Variants in UBE2R2 observed in about 807,000 individuals in gnomAD.
UBE2R2 encodes the protein ubiquitin-conjugating enzyme E2 R2.
A neutral mutation model predicts 27.8 loss-of-function variants in UBE2R2; 1 was observed. That is an observed-to-expected ratio of 0.04 (90% CI 0.01 to 0.17). The LOEUF (loss-of-function observed/expected upper bound fraction) is 0.17, where lower values mean the gene tolerates loss of function less well. Ranked by LOEUF, UBE2R2 falls within the 10% of genes least tolerant of loss-of-function variation. The pLI, the probability that UBE2R2 is intolerant of heterozygous loss-of-function variation, is 1.00. For missense variants in UBE2R2, 100 were observed against 291.0 expected, an observed-to-expected ratio of 0.34 and a Z score of 4.78; for synonymous variants, 106 against 113.3, an observed-to-expected ratio of 0.94 and a Z score of 0.41.
chr9:33,839,778 T>C (rs1345937828), intron 1 of UBE2R2, among the ~76,000 whole-genome samples: 2 of 152,126 alleles, frequency 1.3e-5, no homozygotes, highest in Non-Finnish European at 2.9e-5. Context: ...GGAAGATTGC[T>C]TGAGATCAGG....
intron 1 of UBE2R2, among the ~76,000 whole-genome samples, chr9:33,840,698 G>A (rs1820714511): frequency 6.6e-6 from 1 of 151,712 alleles, no homozygotes; most frequent in African/African-American, 2.4e-5. Flanking sequence ...ATTTATCAAT[G>A]GTTTAAAAAT....
At chr9:33,838,428 G>T (rs1342404668) in intron 1 of UBE2R2, among the ~76,000 whole-genome samples, 1 of 151,434 alleles carries the variant, frequency 6.6e-6, no homozygotes, top group Non-Finnish European at 1.5e-5. Context: ...TGCATGGACT[G>T]TTTTCTTCAC....
chr9:33,824,899 T>C (rs576955074), intron 1 of UBE2R2, among the ~76,000 whole-genome samples: 2 of 152,252 alleles, frequency 1.3e-5, no homozygotes, highest in African/African-American at 4.8e-5. Flanking sequence ...GACCATTTCA[T>C]TGAAATCTTT....
At chr9:33,836,070 G>GA (rs1563983430) in intron 1 of UBE2R2, among the ~76,000 whole-genome samples, 1 of 152,152 alleles carries the variant, frequency 6.6e-6, no homozygotes, top group Non-Finnish European at 1.5e-5. Flanking sequence ...TCGGGAGGGC[G>GA]AGGCAGATGG....
At chr9:33,847,247 C>T (rs1326305448) in intron 1 of UBE2R2, among the ~76,000 whole-genome samples, 1 of 151,992 alleles carries the variant, frequency 6.6e-6, no homozygotes, top group Non-Finnish European at 1.5e-5. Flanking sequence ...CAGGCATGCG[C>T]CACCATGCCC....
At chr9:33,827,034 G>A (rs1435485857) in intron 1 of UBE2R2, among the ~76,000 whole-genome samples, 1 of 152,166 alleles carries the variant, frequency 6.6e-6, no homozygotes, top group Admixed American at 6.5e-5. Flanking sequence ...CCCAGGAAGC[G>A]GAGGCTGCAG....
intron 1 of UBE2R2, among the ~76,000 whole-genome samples, chr9:33,881,449 A>C (rs1180596620): frequency 6.6e-6 from 1 of 152,196 alleles, no homozygotes; most frequent in Non-Finnish European, 1.5e-5. Context: ...CCCCATACTC[A>C]TTAGCAGTCA....
intron 1 of UBE2R2, among the ~76,000 whole-genome samples, chr9:33,848,761 C>T (rs62555908): frequency 0.05 from 7,631 of 151,888 alleles, 281 homozygotes; most frequent in Middle Eastern, 0.099. Context: ...CCTGCCACCA[C>T]GCCTGGCAGA....
intron 2 of UBE2R2, among the ~76,000 whole-genome samples, chr9:33,889,168 C>A (rs1439398354): frequency 1.3e-5 from 2 of 152,112 alleles, no homozygotes; most frequent in Non-Finnish European, 2.9e-5. Context: ...GTACGCACAG[C>A]AGTATTTTGG....
At chr9:33,825,221 G>T (rs185738461) in intron 1 of UBE2R2, among the ~76,000 whole-genome samples, 2 of 143,266 alleles carry the variant, frequency 1.4e-5, no homozygotes, top group African/African-American at 5.1e-5. Context: ...AAAACAAAAA[G>T]AATGATCTTC....
chr9:33,854,306 T>C (rs756888514), intron 1 of UBE2R2, among the ~76,000 whole-genome samples: 4 of 151,968 alleles, frequency 2.6e-5, no homozygotes, highest in Non-Finnish European at 4.4e-5. Flanking sequence ...TTCTATATAT[T>C]GTCTAATTGT....
chr9:33,895,591 A>G (rs967428694), intron 2 of UBE2R2, among the ~76,000 whole-genome samples: 2 of 152,166 alleles, frequency 1.3e-5, no homozygotes, highest in African/African-American at 4.8e-5. Flanking sequence ...ATGGGAAGGT[A>G]GGATTTGATA....
At chr9:33,878,559 T>C (rs1456702004) in intron 1 of UBE2R2, among the ~76,000 whole-genome samples, 1 of 151,978 alleles carries the variant, frequency 6.6e-6, no homozygotes, top group African/African-American at 2.4e-5. Flanking sequence ...TGGAGGTTGC[T>C]ATGAGCCAAG....
chr9:33,893,366 A>G (rs1017744771), intron 2 of UBE2R2, among the ~76,000 whole-genome samples: 2 of 152,266 alleles, frequency 1.3e-5, no homozygotes, highest in South Asian at 2.1e-4. Context: ...TATTTTGGAG[A>G]TTCATCCACC....
At chr9:33,859,795 T>A (rs1408061021) in intron 1 of UBE2R2, among the ~76,000 whole-genome samples, 28 of 82,190 alleles carry the variant, frequency 3.4e-4, no homozygotes, top group African/African-American at 1.3e-3. Context: ...TGTGTGTGTG[T>A]GTGTGAGAGA....
chr9:33,847,280 G>T (rs1820867280), intron 1 of UBE2R2, among the ~76,000 whole-genome samples: 1 of 151,788 alleles, frequency 6.6e-6, no homozygotes, highest in African/African-American at 2.4e-5. Flanking sequence ...TATTTTTAGT[G>T]GAGGTGGGGT....
intron 1 of UBE2R2, among the ~76,000 whole-genome samples, chr9:33,835,998 G>A (rs1332081524): frequency 6.6e-6 from 1 of 152,288 alleles, no homozygotes; most frequent in East Asian, 1.9e-4. Context: ...AAAGTTAAAA[G>A]TTTGTATAGT....
At chr9:33,916,170 A>C (rs1175394343) in intron 4 of UBE2R2, among the ~76,000 whole-genome samples, 1 of 152,158 alleles carries the variant, frequency 6.6e-6, no homozygotes, top group Non-Finnish European at 1.5e-5. Context: ...GTGAAACCCC[A>C]TCTCTACTAA....
At chr9:33,879,013 G>A (rs1821674900) in intron 1 of UBE2R2, among the ~76,000 whole-genome samples, 1 of 152,108 alleles carries the variant, frequency 6.6e-6, no homozygotes, top group African/African-American at 2.4e-5. Flanking sequence ...AGGCCAAAGC[G>A]GGAGGATTGC....
Sources: allele counts gnomAD v4.1 joint callset (sites outside exome capture counted in the v4.1 genomes callset), GRCh38; gene constraint gnomAD v4.1.1; transcripts MANE v1.5; gene names NCBI Gene and HGNC (gene_info 2026-07-23, HGNC 2026-07-21).